Variants in CYP20A1 observed in about 807,000 individuals in gnomAD.
The protein encoded by CYP20A1 is cytochrome P450 family 20 subfamily A member 1.
CYP20A1 carries 61 observed loss-of-function variants against 61.4 expected under a neutral mutation model. The ratio of observed to expected loss-of-function variants is 0.99; its 90% CI spans 0.81 to 1.23. The LOEUF (loss-of-function observed/expected upper bound fraction) is 1.23, where lower values mean the gene tolerates loss of function less well. CYP20A1 is among the 50% of genes most tolerant of loss of function. The pLI is 0.00. For synonymous variants in CYP20A1, 193 were observed against 188.2 expected (o/e 1.03, Z -0.21); for missense variants, 530 against 542.4 (o/e 0.98, Z 0.23).
chr2:203,264,780 A>C (rs555967533), intron 4 of CYP20A1, among the ~76,000 whole-genome samples: 1 of 152,090 alleles, frequency 6.6e-6, no homozygotes, highest in Non-Finnish European at 1.5e-5. Context: ...CCCAGGCTGG[A>C]GTGCAGTGGT....
At chr2:203,280,137 T>G (rs1321942923) in intron 8 of CYP20A1, 24 bp downstream of exon 8, 1 of 1,568,830 alleles carries the variant, frequency 6.4e-7, no homozygotes, top group South Asian at 1.1e-5. Context: ...GATTTCTTTT[T>G]CAGAGGAATT....
At chr2:203,259,199 A>G (rs1270267706) in intron 4 of CYP20A1, among the ~76,000 whole-genome samples, 2 of 152,130 alleles carry the variant, frequency 1.3e-5, no homozygotes, top group African/African-American at 2.4e-5. Flanking sequence ...TTTGTAGACT[A>G]TGTCGTTATG....
At chr2:203,285,030 AT>A (rs1198247613) in intron 8 of CYP20A1, among the ~76,000 whole-genome samples, 1 of 151,854 alleles carries the variant, frequency 6.6e-6, no homozygotes, top group Non-Finnish European at 1.5e-5. Flanking sequence ...CCTCCGTGTG[AT>A]CCCCTCCCGA....
intron 1 of CYP20A1, among the ~76,000 whole-genome samples, chr2:203,244,293 C>T (rs747085229): frequency 3.3e-5 from 5 of 152,114 alleles, no homozygotes; most frequent in Non-Finnish European, 7.3e-5. Flanking sequence ...CCTCCGCCTC[C>T]CAAGTTCAAG....
At position 203,300,560 on chromosome 2, in the gene CYP20A1, A is replaced by T. The variant is rs778199273; in HGVS notation, c.*3652A>T. Among the ~76,000 whole-genome samples the T allele has an allele frequency of 1.3e-5, 2 of 152,148 alleles. No homozygotes were observed. Among genetic ancestry groups the T allele is most frequent in the Non-Finnish European group, 1.5e-5 (1 of 68,030 alleles). On this transcript the variant is annotated 3_prime_UTR_variant, in exon 13 of 13. Transcript: ENST00000356079. ...AAAACTACTTCAGTGATTTTGATTT[A>T]TATTCTTTTTGATAGTTCAGAAGTG...
intron 3 of CYP20A1, among the ~76,000 whole-genome samples, chr2:203,248,460 G>A (rs887815175): frequency 1.3e-5 from 2 of 152,020 alleles, no homozygotes; most frequent in African/African-American, 4.8e-5. Context: ...CTTGAACCCG[G>A]GAGGCAGAGG....
At chr2:203,295,016 G>A (rs1437506988) in intron 11 of CYP20A1, among the ~76,000 whole-genome samples, 1 of 98,054 alleles carries the variant, frequency 1.0e-5, no homozygotes, top group African/African-American at 4.1e-5. Context: ...ACAGTGGCGC[G>A]ATCCCGGCTC....
intron 9 of CYP20A1, among the ~76,000 whole-genome samples, chr2:203,288,053 C>T (rs1380692876): frequency 2.0e-4 from 3 of 14,912 alleles, no homozygotes; most frequent in Non-Finnish European, 2.6e-4. Flanking sequence ...GTGTTTATTT[C>T]TCTCTCTCTT....
intron 10 of CYP20A1, among the ~76,000 whole-genome samples, chr2:203,291,839 C>A (rs1051276417): frequency 6.6e-6 from 1 of 152,156 alleles, no homozygotes; most frequent in East Asian, 1.9e-4. Flanking sequence ...TCCCTCCACG[C>A]CACAACAGGC....
At position 203,279,371 on chromosome 2, in the gene CYP20A1, C is replaced by G. The variant is rs887181430; in HGVS notation, c.795+683C>G. Reference sequence around the variant, plus strand: ...ATTATTTAATATTATTAAATTGAGCCAAAATTCTTGAATTACAAAAGAGGA... The same window carrying G: ...ATTATTTAATATTATTAAATTGAGCGAAAATTCTTGAATTACAAAAGAGGA... On this transcript the variant is annotated intron_variant, in intron 7 of 12. Transcript: ENST00000356079. Among the ~76,000 whole-genome samples the G allele has an allele frequency of 9.9e-5, 15 of 152,172 alleles. No individual in the cohort carries two copies. In the South Asian group the frequency reaches 2.9e-3, roughly 29 times the overall value.
Position 203,296,527 on chromosome 2 carries a change from T to G in CYP20A1, c.1202T>G (p.Leu401Arg), listed in dbSNP as rs940104178. ...DELVMKTFSS[L>R]GFSGTQECPE... ...TTAGTAATGAAAACTTTTTCCTCAC[T>G]TGGATTCTCAGGCACACAGGAGTGT... The change falls in exon 12 of 13, where the codon CTT (leucine) becomes CGT (arginine). Residue 401 changes from leucine to arginine, a missense_variant. Leu to Arg is a moderately radical substitution (Grantham distance 102). Coordinates refer to ENST00000356079, the MANE Select transcript of CYP20A1 (RefSeq NM_177538.3). 8 of 1,612,784 alleles carry G rather than the reference T, an allele frequency of 5.0e-6. No individual in the cohort carries two copies. The highest frequency in any genetic ancestry group is 6.8e-6 in the Non-Finnish European group (8 of 1,179,356).
intron 4 of CYP20A1, among the ~76,000 whole-genome samples, chr2:203,255,983 A>G (rs142916854): frequency 4.3e-4 from 65 of 152,264 alleles, no homozygotes; most frequent in African/African-American, 1.3e-3. Flanking sequence ...TAATTTTTTA[A>G]GACAGAGTCT....
intron 8 of CYP20A1, among the ~76,000 whole-genome samples, chr2:203,284,993 G>T (rs2152101942): frequency 6.6e-6 from 1 of 151,990 alleles, no homozygotes; most frequent in East Asian, 1.9e-4. Flanking sequence ...CAATCCCCCA[G>T]CTTCAGATTC....
At position 203,304,021 on chromosome 2, in the gene CYP20A1, A is replaced by C. The variant is rs1483195749; in HGVS notation, c.*7113A>C. Among the ~76,000 whole-genome samples the C allele has an allele frequency of 6.6e-6, 1 of 152,098 alleles. No homozygotes were observed. The highest frequency in any genetic ancestry group is 1.5e-5 in the Non-Finnish European group (1 of 68,006). On this transcript the variant is annotated 3_prime_UTR_variant, in exon 13 of 13. Coordinates refer to ENST00000356079, the MANE Select transcript of CYP20A1 (RefSeq NM_177538.3). ...TATAACTTGAGGTCAGGAGTTCAAG[A>C]ACAGCCTGGCCAACATGGGGAAACC...
intron 2 of CYP20A1, 72 bp downstream of exon 2, chr2:203,245,967 T>G: frequency 9.3e-7 from 1 of 1,070,250 alleles, no homozygotes; most frequent in Non-Finnish European, 1.4e-6. Context: ...AACCATATTT[T>G]TAGCCAATCA....
chr2:203,272,785 A>T (rs535254895), intron 6 of CYP20A1, 37 bp downstream of exon 6: 2 of 1,243,214 alleles, frequency 1.6e-6, no homozygotes, highest in South Asian at 2.6e-5. Context: ...GAGGACAAAA[A>T]ATAAATGTGC....
At chr2:203,267,123 C>G (rs2067357303) in intron 5 of CYP20A1, among the ~76,000 whole-genome samples, 1 of 152,014 alleles carries the variant, frequency 6.6e-6, no homozygotes. Context: ...CATTGCAGCA[C>G]TGCACTCCAG....
Position 203,296,966 on chromosome 2 carries a change from A to C in CYP20A1, c.*58A>C, listed in dbSNP as rs1386510844. ...ATTGAGGAAAACAACCATTTAAAAAAAATCTATGTTGAATCCTTTTATAAA... is the reference window on the plus strand; with the variant it reads ...ATTGAGGAAAACAACCATTTAAAAACAATCTATGTTGAATCCTTTTATAAA... On this transcript the variant is annotated 3_prime_UTR_variant, in exon 13 of 13. Transcript: ENST00000356079. 9 of 1,018,984 alleles carry C rather than the reference A, an allele frequency of 8.8e-6. No individual in the cohort carries two copies. The East Asian group carries it at 2.4e-4, about 28-fold the overall frequency. The allele number at this position is 1,018,984 out of a possible 1,614,324, so 63.1% of individuals were successfully genotyped here.
At chr2:203,283,211 A>T (rs796159977) in intron 8 of CYP20A1, among the ~76,000 whole-genome samples, 1 of 83,514 alleles carries the variant, frequency 1.2e-5, no homozygotes, top group Admixed American at 2.0e-4. Context: ...CAATGTGAGA[A>T]TTTTTTTTTT....
Sources: gnomAD v4.1 joint callset for allele counts (sites outside exome capture counted in the v4.1 genomes callset) on GRCh38, gnomAD v4.1.1 for gene constraint, MANE v1.5 for transcripts, NCBI Gene and HGNC (gene_info 2026-07-23, HGNC 2026-07-21) for gene names.